WIF1: variants seen among roughly 807,000 people sequenced by gnomAD.
The protein encoded by WIF1 is Wnt inhibitory factor 1.
Under a neutral mutation model 53.5 loss-of-function variants are expected in WIF1, and 35 were observed. The observed-to-expected ratio is 0.65, with a 90% CI of 0.50 to 0.87. WIF1 has a LOEUF of 0.87. WIF1 is among the 40% of genes least tolerant of loss of function. The pLI, the probability that WIF1 is intolerant of heterozygous loss-of-function variation, is 0.00. For missense variants in WIF1, 467 were observed against 476.8 expected, an observed-to-expected ratio of 0.98 and a Z score of 0.19; for synonymous variants, 171 against 170.4, an observed-to-expected ratio of 1.00 and a Z score of -0.03.
intron 3 of WIF1, among the ~76,000 whole-genome samples, chr12:65,071,068 C>A (rs772288559): frequency 4.0e-5 from 6 of 151,286 alleles, no homozygotes; most frequent in Non-Finnish European, 8.8e-5. Context: ...AAACCCGTGT[C>A]TACTAAAAGC....
chr12:65,093,634 A>G (rs1258458054), intron 2 of WIF1, among the ~76,000 whole-genome samples: 1 of 152,166 alleles, frequency 6.6e-6, no homozygotes, highest in African/African-American at 2.4e-5. Flanking sequence ...GAAAGCAGAC[A>G]CTATAGTTAG....
At chr12:65,112,415 C>CACACACAG (rs1425934607) in intron 2 of WIF1, among the ~76,000 whole-genome samples, 3 of 137,104 alleles carry the variant, frequency 2.2e-5, no homozygotes, top group Non-Finnish European at 4.5e-5. Context: ...CACACACACA[C>CACACACAG]ACACACACAC....
At chr12:65,118,542 A>T (rs1353348716) in intron 2 of WIF1, among the ~76,000 whole-genome samples, 1 of 152,204 alleles carries the variant, frequency 6.6e-6, no homozygotes, top group Non-Finnish European at 1.5e-5. Flanking sequence ...TAGAGAGAGA[A>T]AGGTAGCTTA....
intron 2 of WIF1, chr12:65,083,845 T>C (rs1565754737): frequency 2.4e-6 from 1 of 408,768 alleles, no homozygotes; most frequent in Non-Finnish European, 4.8e-6. Flanking sequence ...TCTTTTCTTT[T>C]CTTTTCTTTT....
At chr12:65,111,148 C>T (rs2136294050) in intron 2 of WIF1, among the ~76,000 whole-genome samples, 1 of 152,316 alleles carries the variant, frequency 6.6e-6, no homozygotes, top group East Asian at 1.9e-4. Context: ...ACTCCTTGTT[C>T]CTGGCACCAA....
chr12:65,104,811 AT>A (rs1883330996), intron 2 of WIF1, among the ~76,000 whole-genome samples: 1 of 152,190 alleles, frequency 6.6e-6, no homozygotes, highest in South Asian at 2.1e-4. Flanking sequence ...TAAATTTCTA[AT>A]TCTAGCAATC....
chr12:65,072,038 TTATC>T (rs1399479003), intron 3 of WIF1, among the ~76,000 whole-genome samples: 5 of 152,294 alleles, frequency 3.3e-5, no homozygotes, highest in South Asian at 2.1e-4. Context: ...TATATAAACT[TTATC>T]TATAAGACCA....
At chr12:65,058,019 G>C (rs545432342) in intron 7 of WIF1, among the ~76,000 whole-genome samples, 6 of 152,176 alleles carry the variant, frequency 3.9e-5, no homozygotes, top group African/African-American at 1.2e-4. Context: ...TCTGCATAGA[G>C]GTGTTCCAGA....
intron 9 of WIF1, among the ~76,000 whole-genome samples, chr12:65,052,922 G>C (rs926970909): frequency 6.6e-6 from 1 of 152,176 alleles, no homozygotes; most frequent in Non-Finnish European, 1.5e-5. Context: ...CATCACTTGT[G>C]GGGATCACTG....
intron 3 of WIF1, among the ~76,000 whole-genome samples, chr12:65,077,366 A>T (rs533179634): frequency 9.9e-5 from 1 of 10,106 alleles, no homozygotes; most frequent in Admixed American, 1.5e-3. Flanking sequence ...TTCTTGACTT[A>T]TCCCATTTGC....
intron 6 of WIF1, among the ~76,000 whole-genome samples, chr12:65,065,189 T>C (rs1882669538): frequency 6.6e-6 from 1 of 152,150 alleles, no homozygotes; most frequent in African/African-American, 2.4e-5. Context: ...TATCTCAATA[T>C]AGTTATAATA....
chr12:65,113,276 A>G (rs74099754), intron 2 of WIF1, among the ~76,000 whole-genome samples: 4,873 of 152,230 alleles, frequency 0.032, 264 homozygotes, highest in African/African-American at 0.11. Flanking sequence ...TTTTTGCTGA[A>G]CTCAGTCCTC....
At chr12:65,118,762 G>C (rs1883550318) in intron 2 of WIF1, among the ~76,000 whole-genome samples, 1 of 152,124 alleles carries the variant, frequency 6.6e-6, no homozygotes, top group Non-Finnish European at 1.5e-5. Context: ...GCATTATACT[G>C]TTAAGCAATA....
At chr12:65,078,961 T>C (rs1188256559) in intron 2 of WIF1, among the ~76,000 whole-genome samples, 5 of 152,098 alleles carry the variant, frequency 3.3e-5, no homozygotes, top group Non-Finnish European at 5.9e-5. Context: ...GGTTAGGAGT[T>C]CGAGACCAGT....
chr12:65,108,874 T>C (rs1883388717), intron 2 of WIF1, among the ~76,000 whole-genome samples: 1 of 152,222 alleles, frequency 6.6e-6, no homozygotes, highest in Non-Finnish European at 1.5e-5. Flanking sequence ...CTATTGCTCC[T>C]GTAGTAACTC....
At chr12:65,085,035 A>G (rs1165074701) in intron 2 of WIF1, among the ~76,000 whole-genome samples, 1 of 152,222 alleles carries the variant, frequency 6.6e-6, no homozygotes, top group Admixed American at 6.6e-5. Flanking sequence ...CCCAGAAAGA[A>G]TGAAAGGAGA....
rs1882432914 is a variant in WIF1, at chr12:65,051,079, C to G, written c.*270G>C. ...TTGTAATTTTGAAAATATCTGCCAACTACACACTGAAAATTTTAACCTGAT... is the reference window on the plus strand; with the variant it reads ...TTGTAATTTTGAAAATATCTGCCAAGTACACACTGAAAATTTTAACCTGAT... On this transcript the variant is annotated 3_prime_UTR_variant, in exon 10 of 10. Transcript: ENST00000286574. 1.3e-5 allele frequency: 4 copies of G among 310,682 alleles called. No homozygotes were observed. Among genetic ancestry groups the G allele is most frequent in the Non-Finnish European group, 2.3e-5 (4 of 170,916 alleles). 19.2% of individuals were successfully genotyped at this position (310,682 alleles called of 1,614,324 possible).
chr12:65,066,396 C>G (rs548046621), intron 6 of WIF1, among the ~76,000 whole-genome samples: 1 of 152,262 alleles, frequency 6.6e-6, no homozygotes, highest in South Asian at 2.1e-4. Flanking sequence ...TCCTGAGTCA[C>G]TGCATGGAGA....
intron 2 of WIF1, among the ~76,000 whole-genome samples, chr12:65,104,129 C>A (rs192167241): frequency 8.5e-5 from 13 of 152,128 alleles, no homozygotes; most frequent in African/African-American, 3.1e-4. Context: ...AGATAATCCA[C>A]GTAAATTACC....
Sources: gnomAD v4.1 joint callset for allele counts (sites outside exome capture counted in the v4.1 genomes callset) on GRCh38, gnomAD v4.1.1 for gene constraint, MANE v1.5 for transcripts, NCBI Gene and HGNC (gene_info 2026-07-23, HGNC 2026-07-21) for gene names.